The following INTS9 variants were observed in gnomAD, a reference collection of about 807,000 sequenced individuals.
The protein encoded by INTS9 is integrator complex subunit 9, also known as protein related to CPSF subunits of 74 kDa.
Under a neutral mutation model 79.7 loss-of-function variants are expected in INTS9, and 55 were observed. The ratio of observed to expected loss-of-function variants is 0.69; its 90% CI spans 0.56 to 0.86. The LOEUF (loss-of-function observed/expected upper bound fraction) is 0.86. Among genes scored for constraint, INTS9 ranks in the 40% least tolerant of loss-of-function variants. The probability of loss-of-function intolerance (pLI) is 0.00; values close to 1 mark genes in which losing one functional copy is unlikely to be tolerated. For missense variants in INTS9, 721 were observed against 831.5 expected (o/e 0.87, Z 1.64); for synonymous variants, 319 against 325.2 (o/e 0.98, Z 0.20).
At chr8:28,874,082 C>T (rs1809239182) in intron 1 of INTS9, among the ~76,000 whole-genome samples, 1 of 152,128 alleles carries the variant, frequency 6.6e-6, no homozygotes, top group African/African-American at 2.4e-5. Flanking sequence ...TGCTTTGATG[C>T]ATTTGCTAAG....
chr8:28,769,828 A>T, intron 16 of INTS9, 61 bp downstream of exon 16: 1 of 1,595,336 alleles, frequency 6.3e-7, no homozygotes, highest in East Asian at 2.2e-5. Flanking sequence ...AGGGGGCCAT[A>T]GTGAGCCAGG....
At chr8:28,778,844 A>C (rs1803065608) in intron 12 of INTS9, among the ~76,000 whole-genome samples, 1 of 152,070 alleles carries the variant, frequency 6.6e-6, no homozygotes, top group East Asian at 1.9e-4. Flanking sequence ...CAGGTACATA[A>C]ATGCCCATTC....
intron 2 of INTS9, among the ~76,000 whole-genome samples, chr8:28,851,845 C>A (rs1807855134): frequency 6.6e-6 from 1 of 152,146 alleles, no homozygotes; most frequent in Non-Finnish European, 1.5e-5. Flanking sequence ...CTCCCACATA[C>A]CCTTTATCTA....
At chr8:28,816,157 TTTA>T (rs763416117) in intron 6 of INTS9, among the ~76,000 whole-genome samples, 49 of 151,928 alleles carry the variant, frequency 3.2e-4, no homozygotes, top group Admixed American at 9.8e-4. Flanking sequence ...TTTTAAAAAT[TTTA>T]TTATTATTAT....
chr8:28,857,873 A>C (rs142450074), intron 2 of INTS9, among the ~76,000 whole-genome samples: 112 of 152,320 alleles, frequency 7.4e-4, no homozygotes, highest in Non-Finnish European at 1.4e-3. Context: ...GAGGGCCAGG[A>C]ATACCATTTT....
chr8:28,889,964 CCAG>C lies in INTS9; in HGVS notation c.-85_-83del. 8.6e-7 allele frequency: 1 copy of C among 1,167,032 alleles called. No homozygotes were observed. Among genetic ancestry groups the C allele is most frequent in the Non-Finnish European group, 1.3e-6 (1 of 781,346 alleles). The allele number at this position is 1,167,032 out of a possible 1,614,324, so 72.3% of individuals were successfully genotyped here. A position where few individuals can be genotyped will look rare whatever the true frequency, so the allele number is the denominator to read the frequency against. ...CTTCCGGTGCAATCTCCGCCACCTGCCAGCCGAGAGCATCGCGGGACTTGCAGT... is the reference window on the plus strand; with the variant it reads ...CTTCCGGTGCAATCTCCGCCACCTGCCCGAGAGCATCGCGGGACTTGCAGT... On this transcript the variant is annotated 5_prime_UTR_variant, in exon 1 of 17. Coordinates refer to ENST00000521022, the MANE Select transcript of INTS9 (RefSeq NM_018250.4).
intron 10 of INTS9, among the ~76,000 whole-genome samples, chr8:28,791,384 G>C (rs1478531288): frequency 6.6e-6 from 1 of 151,834 alleles, no homozygotes; most frequent in African/African-American, 2.4e-5. Context: ...AAAGAACTAT[G>C]GATAGTTCTC....
At chr8:28,771,103 AG>A in intron 14 of INTS9, 23 bp from the exon 15 acceptor site, 1 of 1,523,020 alleles carries the variant, frequency 6.6e-7, no homozygotes, top group Non-Finnish European at 9.0e-7. Context: ...GGCGCAGTTC[AG>A]GCTGGGGGCC....
At chr8:28,783,138 G>A (rs1273375313) in intron 11 of INTS9, among the ~76,000 whole-genome samples, 4 of 102,296 alleles carry the variant, frequency 3.9e-5, no homozygotes, top group African/African-American at 1.0e-4. Flanking sequence ...GTGAGACTCC[G>A]TCTCAAAAAA....
chr8:28,770,804 C>A (rs531513016), intron 15 of INTS9, among the ~76,000 whole-genome samples, 178 bp downstream of exon 15: 2 of 152,354 alleles, frequency 1.3e-5, no homozygotes, highest in African/African-American at 4.8e-5. Context: ...CCTGTGGCAG[C>A]CCTTGGGATG....
intron 1 of INTS9, chr8:28,862,260 A>G: frequency 1.0e-6 from 1 of 965,290 alleles, no homozygotes; most frequent in African/African-American, 1.8e-5. Flanking sequence ...ATTATCTACA[A>G]TCACACCAAT....
intron 8 of INTS9, 38 bp downstream of exon 8, chr8:28,812,289 C>A: frequency 6.2e-7 from 1 of 1,603,522 alleles, no homozygotes; most frequent in Non-Finnish European, 8.5e-7. Context: ...ACTTAAGTAA[C>A]CAAAAAGCTG....
chr8:28,798,435 G>A (rs1238427146), intron 8 of INTS9: 3 of 152,106 alleles, frequency 2.0e-5, no homozygotes, highest in East Asian at 1.9e-4. Flanking sequence ...GGGAGATGAG[G>A]GACTTTAGAG....
intron 3 of INTS9, among the ~76,000 whole-genome samples, chr8:28,848,753 T>C (rs1286605037): frequency 6.6e-6 from 1 of 152,216 alleles, no homozygotes; most frequent in Admixed American, 6.5e-5. Flanking sequence ...CAGGCTCTCA[T>C]CCTTCCCGGC....
intron 6 of INTS9, among the ~76,000 whole-genome samples, chr8:28,824,596 G>A (rs1806041879): frequency 6.6e-6 from 1 of 152,218 alleles, no homozygotes. Flanking sequence ...TGGGAAGGCT[G>A]GCTGGCCCTG....
At chr8:28,826,292 GAA>G (rs1016125017) in intron 6 of INTS9, among the ~76,000 whole-genome samples, 3 of 151,874 alleles carry the variant, frequency 2.0e-5, no homozygotes, top group Non-Finnish European at 2.9e-5. Flanking sequence ...ACACTCAAAA[GAA>G]AAAAAGTTCA....
At chr8:28,849,618 A>C (rs1183223754) in intron 3 of INTS9, among the ~76,000 whole-genome samples, 1 of 152,086 alleles carries the variant, frequency 6.6e-6, no homozygotes, top group African/African-American at 2.4e-5. Context: ...TGTCCCCTGC[A>C]CAAGAAGGCA....
rs937268798 is a variant in INTS9, at chr8:28,771,076, G to T, written c.1568C>A (p.Ala523Glu). 1 of 1,607,390 alleles carries T rather than the reference G, an allele frequency of 6.2e-7. No homozygotes were observed. The highest frequency in any genetic ancestry group is 1.1e-5 in the South Asian group (1 of 89,764). Residue 523 changes from alanine (A) to glutamate (E), a missense_variant, in exon 15 of 17, where the codon GCA becomes GAA. Coordinates refer to ENST00000521022, the MANE Select transcript of INTS9 (RefSeq NM_018250.4). The part of the protein sequence containing the change: ...YEKIEIMPEL[A>E]DSLVPMEIKP... ...GATCTCCATGGGCACCAGTGAATCT[G>T]CGAGCTGAAAGCAAAGGGCGCAGTT...
intron 11 of INTS9, chr8:28,783,577 G>C (rs1479472232): frequency 6.6e-6 from 1 of 152,208 alleles, no homozygotes; most frequent in African/African-American, 2.4e-5. Flanking sequence ...GGCCAGAATA[G>C]GACATACCCC....
Sources: gnomAD v4.1 joint callset for allele counts (sites outside exome capture counted in the v4.1 genomes callset) on GRCh38, gnomAD v4.1.1 for gene constraint, MANE v1.5 for transcripts, NCBI Gene and HGNC (gene_info 2026-07-23, HGNC 2026-07-21) for gene names.